The following CSMD1 variants were observed in gnomAD, a reference collection of about 807,000 sequenced individuals.
CSMD1 encodes CUB and Sushi multiple domains 1, also known as CUB and sushi domain-containing protein 1.
In CSMD1, 213 loss-of-function variants were observed where a neutral mutation model predicts 417.5. That is an observed-to-expected ratio of 0.51 (90% CI 0.46 to 0.57). The LOEUF (loss-of-function observed/expected upper bound fraction) is 0.57, where lower values mean the gene tolerates loss of function less well. Ranked by LOEUF, CSMD1 falls within the 20% of genes least tolerant of loss-of-function variation. CSMD1 has a pLI of 0.00. For missense variants in CSMD1, 6,923 were observed against 4,529.7 expected, an observed-to-expected ratio of 1.53 and a Z score of -15.17; for synonymous variants, 2,862 against 1,736.8, an observed-to-expected ratio of 1.65 and a Z score of -16.11.
In CSMD1 at chr8:3,524,401, C is replaced by G. The variant is rs535611832; in HGVS notation, c.1345-30675G>C. 9.4e-4 allele frequency among the ~76,000 whole-genome samples: 136 copies of G among 144,754 alleles called. 2 individuals are homozygous for G. Among genetic ancestry groups the G allele is most frequent in the Admixed American group, 9.2e-3 (135 of 14,680 alleles). 95.0% of individuals were successfully genotyped at this position (144,754 alleles called of 152,430 possible). On this transcript the variant is annotated intron_variant, in intron 10 of 69. Transcript: ENST00000635120. Reference sequence around the variant, plus strand: ...CATGCACATACACACACATGCACACCCAGACATATGCACACACAACCAGAC... The same window carrying G: ...CATGCACATACACACACATGCACACGCAGACATATGCACACACAACCAGAC...
At chr8:4,827,737 C>G (rs1799920049) in intron 1 of CSMD1, among the ~76,000 whole-genome samples, 1 of 152,060 alleles carries the variant, frequency 6.6e-6, no homozygotes, top group Non-Finnish European at 1.5e-5. Flanking sequence ...GTGTTTTACT[C>G]CACTGTTATT....
At chr8:4,699,627 T>G (rs898619804) in intron 1 of CSMD1, among the ~76,000 whole-genome samples, 39 of 152,302 alleles carry the variant, frequency 2.6e-4, no homozygotes, top group African/African-American at 9.4e-4. Flanking sequence ...TGTTGAGATA[T>G]GAAACCACAA....
intron 5 of CSMD1, among the ~76,000 whole-genome samples, chr8:3,955,862 C>G (rs903943097): frequency 1.3e-5 from 2 of 152,206 alleles, no homozygotes; most frequent in Admixed American, 1.3e-4. Flanking sequence ...CTCTGTTCCC[C>G]CAGGCTGGGT....
chr8:4,327,082 T>C lies in CSMD1; in HGVS notation c.415+92871A>G, dbSNP rs1355117513. Among the ~76,000 whole-genome samples the C allele has an allele frequency of 3.3e-5, 5 of 152,186 alleles. No homozygotes were observed. The East Asian group carries it at 9.7e-4, about 29-fold the overall frequency. ...CGACTTCAAATAAGAGATGAGGTTG[T>C]AGCATATTCTTGAACAGGAGAGGGG... On this transcript the variant is annotated intron_variant, in intron 3 of 69. Coordinates refer to ENST00000635120, the MANE Select transcript of CSMD1 (RefSeq NM_033225.6).
intron 1 of CSMD1, among the ~76,000 whole-genome samples, chr8:4,688,107 A>G (rs1806507138): frequency 6.6e-6 from 1 of 152,178 alleles, no homozygotes. Context: ...ACATTCATGT[A>G]GAAATTGGAG....
intron 40 of CSMD1, 139 bp from the exon 41 acceptor site, chr8:3,142,813 A>C: frequency 1.3e-6 from 1 of 775,272 alleles, no homozygotes; most frequent in Non-Finnish European, 2.1e-6. Context: ...GGAGGACGGC[A>C]TTCACTGTGG....
intron 25 of CSMD1, among the ~76,000 whole-genome samples, chr8:3,289,055 C>G (rs1242266409): frequency 6.8e-6 from 1 of 146,918 alleles, no homozygotes; most frequent in Non-Finnish European, 1.5e-5. Flanking sequence ...CAATTCCCAC[C>G]TATGAGGGAG....
intron 5 of CSMD1, among the ~76,000 whole-genome samples, chr8:3,982,920 A>G (rs886579039): frequency 5.9e-5 from 9 of 152,298 alleles, no homozygotes; most frequent in Admixed American, 3.9e-4. Context: ...TGAAAAATAG[A>G]TATTGTTATA....
In CSMD1 at chr8:4,654,004, G is replaced by C. The variant is rs528527086; in HGVS notation, c.86-16446C>G. Among the ~76,000 whole-genome samples the C allele has an allele frequency of 2.1e-3, 322 of 152,136 alleles. 4 individuals carry two copies. Among genetic ancestry groups the C allele is most frequent in the African/African-American group, 7.5e-3 (309 of 41,454 alleles). ...GATTAGGTTCCATTCAAATATAAAG[G>C]TTGGTTGTAAACCTGAATTGACTTC... On this transcript the variant is annotated intron_variant, in intron 1 of 69. Coordinates refer to ENST00000635120, the MANE Select transcript of CSMD1 (RefSeq NM_033225.6).
intron 3 of CSMD1, among the ~76,000 whole-genome samples, chr8:4,282,292 T>G (rs977725806): frequency 6.6e-6 from 1 of 152,144 alleles, no homozygotes; most frequent in Non-Finnish European, 1.5e-5. Context: ...ATAGAACTGA[T>G]GAAGCTCAGG....
intron 5 of CSMD1, among the ~76,000 whole-genome samples, chr8:3,995,550 A>G (rs1353989618): frequency 6.6e-6 from 1 of 152,202 alleles, no homozygotes; most frequent in African/African-American, 2.4e-5. Context: ...GAGGGGCTAT[A>G]CATAGAGAGA....
At chr8:4,759,835 C>T (rs547427712) in intron 1 of CSMD1, among the ~76,000 whole-genome samples, 2 of 152,224 alleles carry the variant, frequency 1.3e-5, no homozygotes, top group East Asian at 1.9e-4. Context: ...GGGTTGATTC[C>T]ATGTGTTTGC....
intron 26 of CSMD1, among the ~76,000 whole-genome samples, chr8:3,259,065 C>T (rs1273800935): frequency 6.6e-6 from 1 of 152,150 alleles, no homozygotes; most frequent in East Asian, 1.9e-4. Flanking sequence ...AAGCCAAGGG[C>T]ACCTGCTACT....
chr8:4,129,537 G>A (rs771175659), intron 3 of CSMD1, among the ~76,000 whole-genome samples: 1 of 152,028 alleles, frequency 6.6e-6, no homozygotes, highest in South Asian at 2.1e-4. Flanking sequence ...ATCCGATTTT[G>A]AGATTGGATT....
At chr8:3,295,804 T>C (rs1208567502) in intron 25 of CSMD1, among the ~76,000 whole-genome samples, 2 of 152,196 alleles carry the variant, frequency 1.3e-5, no homozygotes, top group African/African-American at 4.8e-5. Flanking sequence ...TTGTTTAAAT[T>C]ACTTTCCCTG....
chr8:4,600,812 T>A (rs1032946964), intron 2 of CSMD1, among the ~76,000 whole-genome samples: 1 of 152,170 alleles, frequency 6.6e-6, no homozygotes, highest in Non-Finnish European at 1.5e-5. Context: ...AATCTCTCAA[T>A]CTTGACAAAC....
chr8:4,161,341 G>C (rs973920096), intron 3 of CSMD1, among the ~76,000 whole-genome samples: 2 of 152,136 alleles, frequency 1.3e-5, no homozygotes, highest in Non-Finnish European at 2.9e-5. Flanking sequence ...CTAAAATCCC[G>C]GTCTCTTTGA....
intron 8 of CSMD1, among the ~76,000 whole-genome samples, chr8:3,609,152 C>T (rs1297788676): frequency 5.9e-5 from 9 of 152,148 alleles, no homozygotes; most frequent in Non-Finnish European, 1.0e-4. Context: ...GTTAGGTTAG[C>T]GTTCTGAATT....
intron 3 of CSMD1, among the ~76,000 whole-genome samples, chr8:4,384,885 G>T (rs533115484): frequency 1.3e-5 from 2 of 151,532 alleles, no homozygotes; most frequent in African/African-American, 4.8e-5. Context: ...TCTAATTTCT[G>T]GTGACTATCA....
Sources: allele counts gnomAD v4.1 joint callset (sites outside exome capture counted in the v4.1 genomes callset), GRCh38; gene constraint gnomAD v4.1.1; transcripts MANE v1.5; gene names NCBI Gene and HGNC (gene_info 2026-07-23, HGNC 2026-07-21).